Variants in TRERF1 observed in about 807,000 individuals in gnomAD.
TRERF1 encodes transcriptional regulating factor 1.
In TRERF1, 27 loss-of-function variants were observed where a neutral mutation model predicts 122.9. The observed-to-expected ratio is 0.22, with a 90% CI of 0.16 to 0.30. TRERF1 has a LOEUF of 0.30. Ranked by LOEUF, TRERF1 falls within the 10% of genes least tolerant of loss-of-function variation. The probability of loss-of-function intolerance (pLI) is 1.00; values close to 1 mark genes in which losing one functional copy is unlikely to be tolerated. For synonymous variants in TRERF1, 636 were observed against 641.7 expected (o/e 0.99, Z 0.13); for missense variants, 1,248 against 1,560.3 (o/e 0.80, Z 3.37).
intron 4 of TRERF1, among the ~76,000 whole-genome samples, chr6:42,271,920 T>C (rs1780286855): frequency 6.6e-6 from 1 of 152,164 alleles, no homozygotes; most frequent in African/African-American, 2.4e-5. Flanking sequence ...GCAAGTGAAA[T>C]GAAAATACAA....
At chr6:42,236,156 A>G (rs1772126507) in intron 16 of TRERF1, 49 bp downstream of exon 16, 4 of 1,525,440 alleles carry the variant, frequency 2.6e-6, no homozygotes, top group East Asian at 2.3e-5. Context: ...AGGCACAGCT[A>G]TATGGCTCTC....
At chr6:42,261,256 TATGATCTCAACGCAGCA>T (rs1026745214) in intron 8 of TRERF1, among the ~76,000 whole-genome samples, 2 of 152,098 alleles carry the variant, frequency 1.3e-5, no homozygotes, top group Admixed American at 6.5e-5. Flanking sequence ...GCAGACCTTA[TATGATCTCAACGCAGCA>T]CTGCAATCCA....
chr6:42,347,818 A>T (rs1253688032), intron 3 of TRERF1, among the ~76,000 whole-genome samples: 1 of 152,252 alleles, frequency 6.6e-6, no homozygotes, highest in African/African-American at 2.4e-5. Context: ...GAACTTCAGC[A>T]CAAGGAGCAA....
At chr6:42,290,350 A>T (rs941041208) in intron 4 of TRERF1, among the ~76,000 whole-genome samples, 1 of 152,206 alleles carries the variant, frequency 6.6e-6, no homozygotes, top group African/African-American at 2.4e-5. Flanking sequence ...CAGTAAACTC[A>T]GAGCCAATCA....
chr6:42,312,815 C>G (rs1210438381), intron 3 of TRERF1, among the ~76,000 whole-genome samples: 1 of 152,200 alleles, frequency 6.6e-6, no homozygotes, highest in Non-Finnish European at 1.5e-5. Context: ...AGGCAGCCCC[C>G]ACTCTCCAGG....
At chr6:42,379,776 C>T (rs1395534679) in intron 2 of TRERF1, among the ~76,000 whole-genome samples, 1 of 152,194 alleles carries the variant, frequency 6.6e-6, no homozygotes, top group African/African-American at 2.4e-5. Context: ...AGCGATCCAC[C>T]CACTTTGGCT....
At chr6:42,243,885 T>TC (rs1305748601) in intron 14 of TRERF1, among the ~76,000 whole-genome samples, 2 of 149,448 alleles carry the variant, frequency 1.3e-5, no homozygotes, top group African/African-American at 4.9e-5. Context: ...CAGCCTTTTT[T>TC]TTTTTTTTTT....
intron 15 of TRERF1, among the ~76,000 whole-genome samples, chr6:42,239,718 TC>T (rs1773185544): frequency 6.6e-6 from 1 of 151,980 alleles, no homozygotes; most frequent in Non-Finnish European, 1.5e-5. Flanking sequence ...TTGCACACCC[TC>T]CCCAGGCGCA....
chr6:42,416,002 G>A (rs917206327), intron 2 of TRERF1, among the ~76,000 whole-genome samples: 1 of 152,010 alleles, frequency 6.6e-6, no homozygotes, highest in African/African-American at 2.4e-5. Flanking sequence ...CGTTGGTAGT[G>A]CTGAGATTAT....
intron 3 of TRERF1, among the ~76,000 whole-genome samples, chr6:42,319,229 A>C (rs1167069608): frequency 6.6e-6 from 1 of 152,134 alleles, no homozygotes; most frequent in Non-Finnish European, 1.5e-5. Flanking sequence ...TACCATGTAG[A>C]TGTTTGTGAT....
intron 2 of TRERF1, among the ~76,000 whole-genome samples, chr6:42,430,113 CA>C (rs1784263926): frequency 6.6e-6 from 1 of 151,766 alleles, no homozygotes; most frequent in South Asian, 2.1e-4. Context: ...GACAGGGCCT[CA>C]GGGGGGCTAA....
At position 42,407,371 on chromosome 6, in the gene TRERF1, C is replaced by T. The variant is rs556802870; in HGVS notation, c.-454+43806G>A. ...TTGGGGCTGTGTTTGTCTGTCTGCC[C>T]GTCTCTGTTGTCACGCTAGTCCTGG... On this transcript the variant is annotated intron_variant, in intron 2 of 17. Transcript: ENST00000372922. Among the ~76,000 whole-genome samples, 22 of 152,270 alleles carry T rather than the reference C, an allele frequency of 1.4e-4. 1 individual carries two copies. In the South Asian group the frequency reaches 3.7e-3, roughly 26 times the overall value.
chr6:42,303,100 A>G (rs1248096390), intron 3 of TRERF1, among the ~76,000 whole-genome samples: 2 of 152,236 alleles, frequency 1.3e-5, no homozygotes, highest in South Asian at 2.1e-4. Context: ...AATGAAATTA[A>G]CTAGTTCAAT....
chr6:42,411,701 C>A (rs1304602516), intron 2 of TRERF1, among the ~76,000 whole-genome samples: 1 of 152,172 alleles, frequency 6.6e-6, no homozygotes, highest in Non-Finnish European at 1.5e-5. Context: ...AGGGATGAGG[C>A]AGGCAGGGTC....
At chr6:42,416,324 T>G (rs1483358003) in intron 2 of TRERF1, among the ~76,000 whole-genome samples, 1 of 152,208 alleles carries the variant, frequency 6.6e-6, no homozygotes, top group Non-Finnish European at 1.5e-5. Flanking sequence ...TTCACCATTT[T>G]AATACTAAGC....
exon 18 of TRERF1, chr6:42,227,136 G>C (rs916174433): frequency 6.6e-6 from 1 of 152,278 alleles, no homozygotes; most frequent in Admixed American, 6.5e-5. Flanking sequence ...GAGAAGTCTA[G>C]AAGTGCTTTG....
chr6:42,264,938 C>G, intron 6 of TRERF1, 84 bp from the exon 7 acceptor site: 1 of 1,445,372 alleles, frequency 6.9e-7, no homozygotes, highest in South Asian at 1.3e-5. Flanking sequence ...TCATACCCAC[C>G]ACAAACCCAT....
chr6:42,259,070 C>T lies in TRERF1; in HGVS notation c.2269+269G>A, dbSNP rs1777302117. Among the ~76,000 whole-genome samples, 1 of 152,006 alleles carries T rather than the reference C, an allele frequency of 6.6e-6. No homozygotes were observed. The highest frequency in any genetic ancestry group is 2.1e-4 in the South Asian group (1 of 4,812). On this transcript the variant is annotated intron_variant, in intron 9 of 17. Transcript: ENST00000372922. The surrounding 1 kb of genome is among the most constrained non-coding windows in gnomAD (Gnocchi z 4.9). ...TCTCTTGCACGATCATTGCTGGCAG[C>T]CTTAAAAAGTGGGTGAACATTTCAA...
At chr6:42,353,006 C>G (rs919643527) in intron 3 of TRERF1, among the ~76,000 whole-genome samples, 2 of 151,982 alleles carry the variant, frequency 1.3e-5, no homozygotes, top group Non-Finnish European at 2.9e-5. Flanking sequence ...GAAAAAAATG[C>G]CTTAGCTTTC....
Sources: gnomAD v4.1 joint callset for allele counts (sites outside exome capture counted in the v4.1 genomes callset) on GRCh38, gnomAD v4.1.1 for gene constraint, Gnocchi (gnomAD v3.1) non-coding constraint, MANE v1.5 for transcripts, NCBI Gene and HGNC (gene_info 2026-07-23, HGNC 2026-07-21) for gene names.